The following SEMA6D variants were observed in gnomAD, a reference collection of about 807,000 sequenced individuals.
The protein encoded by SEMA6D is semaphorin-6D.
A neutral mutation model predicts 106.6 loss-of-function variants in SEMA6D; 35 were observed. The observed-to-expected ratio is 0.33, with a 90% confidence interval of 0.25 to 0.44. The LOEUF is 0.44. Ranked by LOEUF, SEMA6D falls within the 20% of genes least tolerant of loss-of-function variation. The pLI, the probability that SEMA6D is intolerant of heterozygous loss-of-function variation, is 1.00. For synonymous variants in SEMA6D, 499 were observed against 487.7 expected (o/e 1.02, Z -0.31); for missense variants, 1,185 against 1,345.9 (o/e 0.88, Z 1.87).
chr15:47,578,438 A>G (rs2076195085), intron 3 of SEMA6D, among the ~76,000 whole-genome samples: 1 of 152,234 alleles, frequency 6.6e-6, no homozygotes, highest in South Asian at 2.1e-4. Flanking sequence ...ACAAGAGCAC[A>G]CATTGACTAA....
At chr15:47,380,263 TTTTC>T (rs2039591476) in intron 1 of SEMA6D, among the ~76,000 whole-genome samples, 1 of 152,172 alleles carries the variant, frequency 6.6e-6, no homozygotes, top group Admixed American at 6.5e-5. Context: ...TGCCAGAATG[TTTTC>T]TTTGAGTTCG....
chr15:47,764,235 C>A lies in SEMA6D; in HGVS notation c.1027C>A (p.Arg343=). ...MDDIEKVFKG[R]FKEQKTPDSV... is the part of the protein sequence containing the mutation. ...TGACATTGAAAAAGTATTCAAAGGA[C>A]GGTTTAAGGAACAGAAAACTCCAGA... The change falls in exon 11 of 19, where the codon CGG becomes AGG. Residue 343 remains arginine, a synonymous_variant. Coordinates refer to ENST00000536845, the MANE Select transcript of SEMA6D (RefSeq NM_001358351.3). 3.1e-6 allele frequency: 5 copies of A among 1,613,742 alleles called. No individual in the cohort carries two copies. Among genetic ancestry groups the A allele is most frequent in the Non-Finnish European group, 4.2e-6 (5 of 1,179,780 alleles).
chr15:47,767,610 T>C (rs1002901241), intron 17 of SEMA6D: 2 of 152,204 alleles, frequency 1.3e-5, no homozygotes, highest in Non-Finnish European at 2.9e-5. Flanking sequence ...TTCAGTGGAG[T>C]GAAGCTGATT....
At chr15:47,302,221 CT>C (rs1169546417) in intron 1 of SEMA6D, among the ~76,000 whole-genome samples, 1 of 152,120 alleles carries the variant, frequency 6.6e-6, no homozygotes, top group African/African-American at 2.4e-5. Flanking sequence ...CTATTTCGTT[CT>C]TTTTAAGATC....
At chr15:47,766,045 C>A in intron 14 of SEMA6D, 36 bp downstream of exon 14, 1 of 1,611,378 alleles carries the variant, frequency 6.2e-7, no homozygotes, top group Non-Finnish European at 8.5e-7. Flanking sequence ...CTGGGTCTTG[C>A]AGTATCGAAA....
chr15:47,224,967 A>G (rs1244107661), intron 1 of SEMA6D, among the ~76,000 whole-genome samples: 2 of 151,634 alleles, frequency 1.3e-5, no homozygotes, highest in Admixed American at 6.6e-5. Context: ...CCTTGTTCTG[A>G]TATCTGAGGT....
Position 47,321,908 on chromosome 15 carries a change from A to G in SEMA6D, c.-238-90485A>G, listed in dbSNP as rs533782190. Reference sequence around the variant, plus strand: ...AGCCCCTTCCTGATTGGAGGACATCATTAAAAACAGTGGGGGGCACTATCA... The same window carrying G: ...AGCCCCTTCCTGATTGGAGGACATCGTTAAAAACAGTGGGGGGCACTATCA... On this transcript the variant is annotated intron_variant, in intron 1 of 19. Coordinates refer to the SEMA6D transcript ENST00000558014. 1.2e-4 allele frequency among the ~76,000 whole-genome samples: 18 copies of G among 152,314 alleles called. No homozygotes were observed. The South Asian group carries it at 1.2e-3, about 11-fold the overall frequency.
intron 4 of SEMA6D, among the ~76,000 whole-genome samples, chr15:47,683,513 A>C (rs903064764): frequency 6.6e-6 from 1 of 152,202 alleles, no homozygotes; most frequent in Non-Finnish European, 1.5e-5. Flanking sequence ...TTAAATTTGC[A>C]TCATATTATA....
chr15:47,497,649 A>G (rs144974886), intron 3 of SEMA6D, among the ~76,000 whole-genome samples: 186 of 152,228 alleles, frequency 1.2e-3, no homozygotes, highest in Middle Eastern at 3.4e-3. Context: ...ACACAGCTCC[A>G]GATTTCCTTC....
chr15:47,622,451 T>G (rs1015514343), intron 4 of SEMA6D, among the ~76,000 whole-genome samples: 1 of 152,140 alleles, frequency 6.6e-6, no homozygotes, highest in Non-Finnish European at 1.5e-5. Flanking sequence ...CAGAAGCCAC[T>G]GTAGAATCAG....
At chr15:47,471,564 A>T (rs1166322809) in intron 3 of SEMA6D, among the ~76,000 whole-genome samples, 1 of 152,226 alleles carries the variant, frequency 6.6e-6, no homozygotes, top group African/African-American at 2.4e-5. Flanking sequence ...ATGAGCCTTT[A>T]TGATTTCTGT....
At chr15:47,224,174 AT>A (rs947600248) in intron 1 of SEMA6D, among the ~76,000 whole-genome samples, 8 of 149,192 alleles carry the variant, frequency 5.4e-5, no homozygotes, top group South Asian at 2.1e-4. Flanking sequence ...AGAAAAAAAA[AT>A]AATAAAATAA....
At chr15:47,232,105 T>C (rs568521208) in intron 1 of SEMA6D, among the ~76,000 whole-genome samples, 1 of 152,152 alleles carries the variant, frequency 6.6e-6, no homozygotes, top group East Asian at 1.9e-4. Flanking sequence ...AATCATAGAA[T>C]ATGTGGCCTT....
intron 3 of SEMA6D, among the ~76,000 whole-genome samples, chr15:47,471,125 C>T (rs527950521): frequency 6.6e-6 from 1 of 152,246 alleles, no homozygotes; most frequent in East Asian, 1.9e-4. Flanking sequence ...GCTGCTGTTC[C>T]TCATGAATGT....
chr15:47,463,274 T>G (rs2042566160), intron 2 of SEMA6D, among the ~76,000 whole-genome samples: 1 of 152,154 alleles, frequency 6.6e-6, no homozygotes, highest in African/African-American at 2.4e-5. Context: ...CCTAGAATGT[T>G]CAAGCTGGTC....
intron 3 of SEMA6D, among the ~76,000 whole-genome samples, chr15:47,553,069 A>G (rs1299119998): frequency 6.7e-6 from 1 of 148,160 alleles, no homozygotes; most frequent in Non-Finnish European, 1.5e-5. Flanking sequence ...ACACCCGGCT[A>G]ATTTTTGTAT....
intron 1 of SEMA6D, among the ~76,000 whole-genome samples, chr15:47,342,396 TAATG>T (rs1356302072): frequency 6.6e-6 from 1 of 152,216 alleles, no homozygotes; most frequent in Non-Finnish European, 1.5e-5. Context: ...AGCTAAGAAG[TAATG>T]GGCAATAACA....
intron 2 of SEMA6D, among the ~76,000 whole-genome samples, chr15:47,435,899 G>A (rs1039073708): frequency 7.2e-5 from 11 of 152,004 alleles, no homozygotes; most frequent in Admixed American, 4.6e-4. Context: ...TTGTGGTTTA[G>A]TAGGGGCGAT....
intron 1 of SEMA6D, among the ~76,000 whole-genome samples, chr15:47,206,739 C>G (rs1895093690): frequency 1.3e-5 from 2 of 152,084 alleles, no homozygotes; most frequent in Admixed American, 6.6e-5. Flanking sequence ...TGCTCCTCAG[C>G]TCTACAGTAT....
Sources: allele counts gnomAD v4.1 joint callset (sites outside exome capture counted in the v4.1 genomes callset), GRCh38; gene constraint gnomAD v4.1.1; transcripts MANE v1.5; gene names NCBI Gene and HGNC (gene_info 2026-07-23, HGNC 2026-07-21).